Variants in MRNIP observed in about 807,000 individuals in gnomAD.
MRNIP encodes the protein MRN complex-interacting protein.
Under a neutral mutation model 29.8 loss-of-function variants are expected in MRNIP, and 30 were observed. That is an observed-to-expected ratio of 1.01 (90% CI 0.75 to 1.36). The LOEUF (loss-of-function observed/expected upper bound fraction) is 1.36. Among genes scored for constraint, MRNIP ranks in the 40% most tolerant of loss-of-function variants. The pLI, the probability that MRNIP is intolerant of heterozygous loss-of-function variation, is 0.00. For missense variants in MRNIP, 459 were observed against 423.5 expected (o/e 1.08, Z -0.74); for synonymous variants, 201 against 164.1 (o/e 1.23, Z -1.72).
At chr5:179,843,575 C>CA (rs1311650841) in intron 4 of MRNIP, among the ~76,000 whole-genome samples, 2 of 151,552 alleles carry the variant, frequency 1.3e-5, no homozygotes, top group African/African-American at 4.9e-5. Context: ...CCTGCCTCTA[C>CA]AAAAAAGAAA....
intron 2 of MRNIP, among the ~76,000 whole-genome samples, chr5:179,852,102 G>A (rs1328607122): frequency 6.6e-6 from 1 of 152,054 alleles, no homozygotes; most frequent in African/African-American, 2.4e-5. Context: ...CCAACATGGT[G>A]AAACCCCGTC....
chr5:179,854,560 C>T lies in MRNIP; in HGVS notation c.67-1123G>A, dbSNP rs185587118. On this transcript the variant is annotated intron_variant, in intron 1 of 6. Coordinates refer to ENST00000292586, the MANE Select transcript of MRNIP (RefSeq NM_016175.4). ...AGCGACGAGGGAGGCCAAGACTACT[C>T]GAGCCCAGGAGTTTGAGGCCAGCCC... Among the ~76,000 whole-genome samples the T allele has an allele frequency of 3.3e-5, 5 of 152,202 alleles. No homozygotes were observed. The East Asian group carries it at 7.7e-4, about 23-fold the overall frequency.
Position 179,837,528 on chromosome 5 carries a change from G to A in MRNIP, c.895C>T (p.Pro299Ser). The change falls in exon 7 of 7, where the codon CCT becomes TCT. Residue 299 changes from proline (P) to serine (S), a missense_variant. Physicochemically the swap from Pro to Ser is moderately conservative, Grantham distance 74. Coordinates refer to ENST00000292586, the MANE Select transcript of MRNIP (RefSeq NM_016175.4). ...THPVTSGSER[P>S]CGKTSWDART... ...GCGTCCCATGAGGTCTTCCCGCAAG[G>A]CCTCTCAGACCCAGATGTGACGGGG... The A allele has an allele frequency of 1.2e-6, 2 of 1,614,212 alleles. No individual in the cohort carries two copies. Among genetic ancestry groups the A allele is most frequent in the East Asian group, 2.2e-5 (1 of 44,890 alleles).
At chr5:179,849,600 G>T (rs930314591) in intron 2 of MRNIP, among the ~76,000 whole-genome samples, 1 of 150,132 alleles carries the variant, frequency 6.7e-6, no homozygotes, top group Non-Finnish European at 1.5e-5. Flanking sequence ...GATGCTACGA[G>T]ACGGAATTTG....
rs552302337 is a variant in MRNIP at position 179,844,558 on chromosome 5, G to C, written c.216-331C>G. 7.9e-5 allele frequency among the ~76,000 whole-genome samples: 12 copies of C among 152,138 alleles called. No individual in the cohort carries two copies. In the South Asian group the frequency reaches 2.5e-3, roughly 32 times the overall value. ...CCACCTCAGCCTCCTGAGTATCTGG[G>C]ACCACAGGCACGCACCACTACGCCT... On this transcript the variant is annotated intron_variant, in intron 3 of 6. Coordinates refer to ENST00000292586, the MANE Select transcript of MRNIP (RefSeq NM_016175.4).
chr5:179,855,585 T>C (rs1452277825), intron 1 of MRNIP, among the ~76,000 whole-genome samples: 2 of 152,174 alleles, frequency 1.3e-5, no homozygotes, highest in African/African-American at 2.4e-5. Context: ...GAACACATAA[T>C]TGATAAAGAG....
At chr5:179,839,949 G>A (rs1235776082) in intron 6 of MRNIP, 1 of 144,954 alleles carries the variant, frequency 6.9e-6, no homozygotes, top group Non-Finnish European at 1.5e-5. Context: ...GCAACATAGT[G>A]AGACCATGTC....
chr5:179,851,505 TG>T, intron 2 of MRNIP: 1 of 445,000 alleles, frequency 2.2e-6, no homozygotes, highest in South Asian at 1.6e-5. Flanking sequence ...CAGGAAAAGC[TG>T]ATGTCTGGCT....
chr5:179,857,712 C>T (rs577352), intron 1 of MRNIP, among the ~76,000 whole-genome samples: 1 of 152,144 alleles, frequency 6.6e-6, no homozygotes, highest in East Asian at 1.9e-4. Flanking sequence ...TAACATACCT[C>T]TTAAACAAGT....
chr5:179,839,811 T>TTGA (rs1758797575), intron 6 of MRNIP: 1 of 152,338 alleles, frequency 6.6e-6, no homozygotes, highest in African/African-American at 2.4e-5. Flanking sequence ...GGATATGCGG[T>TTGA]GGGGCCTGCT....
rs977353236 is a variant in MRNIP, at chr5:179,838,100, C to T, written c.538-215G>A. The T allele has an allele frequency of 4.6e-5, 27 of 592,068 alleles. No individual in the cohort carries two copies. In the Admixed American group the frequency reaches 7.1e-4, roughly 16 times the overall value. The allele number at this position is 592,068 out of a possible 1,614,324, so 36.7% of individuals were successfully genotyped here. ...CAAACCTTCTGCTAAATTGCATGAC[C>T]AGGCTTTCCAAAAACAAGACATTCT... On this transcript the variant is annotated intron_variant, in intron 6 of 6. Transcript: ENST00000292586.
chr5:179,843,735 G>A (rs934315198), intron 4 of MRNIP, among the ~76,000 whole-genome samples: 25 of 151,174 alleles, frequency 1.7e-4, no homozygotes, highest in Admixed American at 1.1e-3. Context: ...GTGAGACCTC[G>A]TTTCAGAGAA....
At chr5:179,854,422 A>C (rs999118553) in intron 1 of MRNIP, among the ~76,000 whole-genome samples, 5 of 152,252 alleles carry the variant, frequency 3.3e-5, no homozygotes, top group Non-Finnish European at 7.3e-5. Context: ...GTACTTTAAA[A>C]GTGAGAAAAG....
At chr5:179,851,253 A>G (rs1401717330) in intron 2 of MRNIP, 2 of 456,020 alleles carry the variant, frequency 4.4e-6, no homozygotes, top group Non-Finnish European at 8.8e-6. Flanking sequence ...CTGGTAAGCC[A>G]GCCCCTCTCT....
At chr5:179,857,546 T>A (rs1037967769) in intron 1 of MRNIP, among the ~76,000 whole-genome samples, 2 of 152,166 alleles carry the variant, frequency 1.3e-5, no homozygotes, top group Non-Finnish European at 2.9e-5. Flanking sequence ...TGGAATAATT[T>A]AAAAATGCAA....
chr5:179,838,607 C>T, intron 6 of MRNIP: 1 of 152,604 alleles, frequency 6.6e-6, no homozygotes, highest in Non-Finnish European at 1.5e-5. Context: ...ACCTGGGAGG[C>T]AGAGGTTGCA....
At chr5:179,851,941 C>T (rs1223211788) in intron 2 of MRNIP, among the ~76,000 whole-genome samples, 1 of 151,722 alleles carries the variant, frequency 6.6e-6, no homozygotes, top group Non-Finnish European at 1.5e-5. Flanking sequence ...CGCACCACTG[C>T]ACTCCAGCCT....
At chr5:179,844,564 A>G (rs1053463867) in intron 3 of MRNIP, among the ~76,000 whole-genome samples, 10 of 152,004 alleles carry the variant, frequency 6.6e-5, no homozygotes, top group African/African-American at 2.4e-4. Flanking sequence ...CTGGGACCAC[A>G]GGCACGCACC....
At chr5:179,837,954 C>T (rs1758685609) in intron 6 of MRNIP, 69 bp from the exon 7 acceptor site, 7 of 1,470,838 alleles carry the variant, frequency 4.8e-6, no homozygotes, top group Non-Finnish European at 6.4e-6. Context: ...ACCGCCTGCC[C>T]TGCCTGGGCC....
Sources: gnomAD v4.1 joint callset for allele counts (sites outside exome capture counted in the v4.1 genomes callset) on GRCh38, gnomAD v4.1.1 for gene constraint, MANE v1.5 for transcripts, NCBI Gene and HGNC (gene_info 2026-07-23, HGNC 2026-07-21) for gene names.